Variants in PARD3 observed in about 807,000 individuals in gnomAD.
PARD3 encodes the protein partitioning defective 3 homolog.
PARD3 carries 75 observed loss-of-function variants against 155.4 expected under a neutral mutation model. That is an observed-to-expected ratio of 0.48 (90% CI 0.40 to 0.58). PARD3 has a LOEUF of 0.58. PARD3 is among the 20% of genes least tolerant of loss of function. PARD3 has a pLI of 0.00. For synonymous variants in PARD3, 576 were observed against 610.5 expected, an observed-to-expected ratio of 0.94 and a Z score of 0.83; for missense variants, 1,642 against 1,721.7, an observed-to-expected ratio of 0.95 and a Z score of 0.82.
intron 20 of PARD3, among the ~76,000 whole-genome samples, chr10:34,289,497 A>G (rs1564551867): frequency 9.2e-6 from 1 of 108,568 alleles, no homozygotes; most frequent in South Asian, 2.5e-4. Flanking sequence ...GCCAGATCTT[A>G]ATAATAATAA....
intron 18 of PARD3, among the ~76,000 whole-genome samples, chr10:34,335,033 C>T (rs971553634): frequency 9.9e-5 from 15 of 151,766 alleles, no homozygotes; most frequent in Admixed American, 8.5e-4. Context: ...TTACTTGGAT[C>T]GGGGTTATTG....
At chr10:34,275,242 A>T (rs182815224) in intron 21 of PARD3, among the ~76,000 whole-genome samples, 1 of 152,324 alleles carries the variant, frequency 6.6e-6, no homozygotes, top group African/African-American at 2.4e-5. Flanking sequence ...ATCACCAATA[A>T]TGTTGTCCCC....
intron 22 of PARD3, among the ~76,000 whole-genome samples, chr10:34,187,739 A>G (rs1172464576): frequency 6.6e-6 from 1 of 152,210 alleles, no homozygotes; most frequent in Non-Finnish European, 1.5e-5. Context: ...CTGTTTTCCA[A>G]CTGAATGGAG....
chr10:34,138,955 C>A (rs1948043229), intron 22 of PARD3, among the ~76,000 whole-genome samples: 7 of 129,530 alleles, frequency 5.4e-5, no homozygotes, highest in Non-Finnish European at 1.2e-4. Flanking sequence ...AATGCAATAC[C>A]ACACTCCAAA....
rs184793678 is a variant in PARD3 at position 34,644,808 on chromosome 10, A to G, written c.222+51510T>C. 7.9e-5 allele frequency among the ~76,000 whole-genome samples: 12 copies of G among 152,314 alleles called. No individual in the cohort carries two copies. In the East Asian group the frequency reaches 1.3e-3, roughly 17 times the overall value. On this transcript the variant is annotated intron_variant, in intron 2 of 24. Transcript: ENST00000374788. ...TGGAATTCAATTTCTCATACAGTTT[A>G]TGAGTTGTAAGGAATCTAATTGCTG...
At chr10:34,414,185 G>A (rs551117862) in intron 5 of PARD3, among the ~76,000 whole-genome samples, 18 of 150,790 alleles carry the variant, frequency 1.2e-4, no homozygotes, top group East Asian at 4.0e-4. Context: ...GTGACAGAGC[G>A]ACTCCAGCCT....
At chr10:34,797,662 C>T (rs1282883388) in intron 1 of PARD3, among the ~76,000 whole-genome samples, 1 of 152,108 alleles carries the variant, frequency 6.6e-6, no homozygotes. Flanking sequence ...CATAGTTGAC[C>T]GGTTTCTATA....
At chr10:34,194,309 C>G (rs972474358) in intron 22 of PARD3, among the ~76,000 whole-genome samples, 4 of 152,102 alleles carry the variant, frequency 2.6e-5, no homozygotes, top group African/African-American at 9.7e-5. Context: ...AGTTGCCCAC[C>G]CAGAGCAGTA....
chr10:34,743,117 T>C (rs932953370), intron 1 of PARD3, among the ~76,000 whole-genome samples: 5 of 152,180 alleles, frequency 3.3e-5, no homozygotes, highest in African/African-American at 1.2e-4. Context: ...CATCATCTCA[T>C]AATTATTTTT....
At chr10:34,359,117 T>G (rs780956923) in intron 14 of PARD3, 30 bp downstream of exon 14, 1 of 1,580,384 alleles carries the variant, frequency 6.3e-7, no homozygotes, top group South Asian at 1.1e-5. Context: ...TTTACAATTT[T>G]AGATACTAGC....
chr10:34,241,757 G>A (rs546762582), intron 22 of PARD3, among the ~76,000 whole-genome samples: 56 of 152,188 alleles, frequency 3.7e-4, no homozygotes, highest in Middle Eastern at 6.8e-3. Flanking sequence ...AGGAGGGAGC[G>A]AGGTCTCAAC....
At chr10:34,726,462 C>CTT in intron 1 of PARD3, among the ~76,000 whole-genome samples, 1 of 152,238 alleles carries the variant, frequency 6.6e-6, no homozygotes, top group African/African-American at 2.4e-5. Context: ...GGCACACACC[C>CTT]ATAATCCCAG....
intron 20 of PARD3, among the ~76,000 whole-genome samples, chr10:34,301,501 T>C (rs530235518): frequency 2.6e-5 from 4 of 152,268 alleles, no homozygotes; most frequent in Non-Finnish European, 2.9e-5. Context: ...AAAGGGGCCT[T>C]AGAACTCTCT....
At chr10:34,484,889 G>T (rs148843224) in intron 3 of PARD3, among the ~76,000 whole-genome samples, 45 of 152,244 alleles carry the variant, frequency 3.0e-4, no homozygotes, top group Non-Finnish European at 5.7e-4. Flanking sequence ...CTCCTTTCGT[G>T]GCTGCCAGAT....
chr10:34,542,356 G>A (rs1421375106), intron 2 of PARD3, among the ~76,000 whole-genome samples: 1 of 152,142 alleles, frequency 6.6e-6, no homozygotes, highest in African/African-American at 2.4e-5. Context: ...CTGGCAGTGT[G>A]TGAGACATAT....
At chr10:34,589,005 G>A (rs2088377641) in intron 2 of PARD3, among the ~76,000 whole-genome samples, 1 of 152,186 alleles carries the variant, frequency 6.6e-6, no homozygotes, top group Non-Finnish European at 1.5e-5. Context: ...GGCCAAGACA[G>A]AAGGTTCATT....
At chr10:34,455,379 T>C (rs2077279465) in intron 4 of PARD3, among the ~76,000 whole-genome samples, 1 of 152,146 alleles carries the variant, frequency 6.6e-6, no homozygotes, top group Admixed American at 6.5e-5. Flanking sequence ...TAAAAGAGAA[T>C]TCAATGTTCT....
chr10:34,461,917 C>A (rs773943), intron 4 of PARD3, among the ~76,000 whole-genome samples: 53,202 of 152,042 alleles, frequency 0.35, 9,479 homozygotes, highest in East Asian at 0.43. Flanking sequence ...GATTTTATCA[C>A]TTTGAACACA....
chr10:34,141,549 C>T (rs775521124), intron 22 of PARD3, among the ~76,000 whole-genome samples: 5 of 152,152 alleles, frequency 3.3e-5, no homozygotes, highest in Non-Finnish European at 5.9e-5. Context: ...ATCTCTCCAT[C>T]GGAAAGCCTC....
Sources: gnomAD v4.1 joint callset for allele counts (sites outside exome capture counted in the v4.1 genomes callset) on GRCh38, gnomAD v4.1.1 for gene constraint, MANE v1.5 for transcripts, NCBI Gene and HGNC (gene_info 2026-07-23, HGNC 2026-07-21) for gene names.